ZEB2: variants seen among roughly 807,000 people sequenced by gnomAD.
ZEB2 encodes the protein zinc finger E-box binding homeobox 2, also known as zinc finger E-box-binding homeobox 2.
ZEB2 carries 6 observed loss-of-function variants against 99.9 expected under a neutral mutation model. The ratio of observed to expected loss-of-function variants is 0.06; its 90% CI spans 0.03 to 0.12. ZEB2 has a LOEUF of 0.12. ZEB2 is among the 10% of genes least tolerant of loss of function. The pLI is 1.00. For synonymous variants in ZEB2, 517 were observed against 542.5 expected (o/e 0.95, Z 0.65); for missense variants, 969 against 1,502.8 (o/e 0.64, Z 5.87).
At chr2:144,517,022 C>T (rs2149934803) in intron 2 of ZEB2, among the ~76,000 whole-genome samples, 1 of 149,394 alleles carries the variant, frequency 6.7e-6, no homozygotes, top group South Asian at 2.1e-4. Flanking sequence ...GGGCTGGGGG[C>T]GCGGGGCCCC....
At chr2:144,395,888 TC>T (rs925884470) in intron 9 of ZEB2, among the ~76,000 whole-genome samples, 3 of 152,128 alleles carry the variant, frequency 2.0e-5, no homozygotes, top group Non-Finnish European at 4.4e-5. Flanking sequence ...TTCAAGTAGC[TC>T]ATCTGATCTA....
At chr2:144,400,892 T>G (rs1305759943) in intron 7 of ZEB2, among the ~76,000 whole-genome samples, 1 of 152,242 alleles carries the variant, frequency 6.6e-6, no homozygotes, top group Non-Finnish European at 1.5e-5. Flanking sequence ...CAGTTGAGTT[T>G]CCTCAGGTCA....
At chr2:144,475,984 C>A (rs1216810283) in intron 2 of ZEB2, among the ~76,000 whole-genome samples, 1 of 152,186 alleles carries the variant, frequency 6.6e-6, no homozygotes, top group African/African-American at 2.4e-5. Context: ...GTCCAAGGAT[C>A]TGTAAAAACC....
chr2:144,392,980 A>T (rs1240304830), intron 9 of ZEB2, among the ~76,000 whole-genome samples: 2 of 152,254 alleles, frequency 1.3e-5, no homozygotes, highest in African/African-American at 4.8e-5. Flanking sequence ...ACTTAGACTT[A>T]TCTACTCAAA....
chr2:144,492,397 A>G (rs1704693137), intron 2 of ZEB2, among the ~76,000 whole-genome samples: 1 of 152,196 alleles, frequency 6.6e-6, no homozygotes, highest in Non-Finnish European at 1.5e-5. Flanking sequence ...GACAAAGAAG[A>G]GTGGAGGAAG....
chr2:144,386,222 A>G lies in ZEB2; in HGVS notation c.*3229T>C, dbSNP rs1476224054. 6.6e-6 allele frequency: 1 copy of G among 152,170 alleles called. No homozygotes were observed. Among genetic ancestry groups the G allele is most frequent in the Non-Finnish European group, 1.5e-5 (1 of 68,026 alleles). 9.4% of individuals were successfully genotyped at this position (152,170 alleles called of 1,614,324 possible). A position where few individuals can be genotyped will look rare whatever the true frequency, so the allele number is the denominator to read the frequency against. The stretch of plus-strand genomic sequence containing the variant: ...GAGTAAGTAGTTGATAAAACAGAAG[A>G]ACACATCTGATGTTACTAAAATGCA... On this transcript the variant is annotated 3_prime_UTR_variant, in exon 10 of 10. Transcript: ENST00000627532.
At chr2:144,507,204 A>G (rs1341556486) in intron 2 of ZEB2, among the ~76,000 whole-genome samples, 3 of 152,240 alleles carry the variant, frequency 2.0e-5, no homozygotes, top group Non-Finnish European at 2.9e-5. Context: ...AGTTTATAGT[A>G]AAGTGTTGTG....
intron 2 of ZEB2, among the ~76,000 whole-genome samples, chr2:144,505,924 C>T (rs538256163): frequency 4.4e-4 from 67 of 152,230 alleles, no homozygotes; most frequent in Non-Finnish European, 8.8e-4. Flanking sequence ...GTTTAAAATA[C>T]CATCTTTATT....
At chr2:144,443,862 A>T (rs202096819) in intron 2 of ZEB2, among the ~76,000 whole-genome samples, 12 of 128,928 alleles carry the variant, frequency 9.3e-5, no homozygotes, top group South Asian at 2.8e-4. Context: ...AAATGTATTT[A>T]AAAAAAAAAA....
rs145541753 is a variant in ZEB2, at chr2:144,514,847, A to G, written c.73+2431T>C. Among the ~76,000 whole-genome samples, 551 of 152,338 alleles carry G rather than the reference A, an allele frequency of 3.6e-3. 1 individual carries two copies. Among genetic ancestry groups the G allele is most frequent in the African/African-American group, 0.013 (531 of 41,584 alleles). On this transcript the variant is annotated intron_variant, in intron 2 of 9. Coordinates refer to ENST00000627532, the MANE Select transcript of ZEB2 (RefSeq NM_014795.4). ...TAAATGCCTTAAAATGTGCAATTCA[A>G]CTTTCCACTTCTGAATGTGGAGGCT... is the stretch of plus-strand genomic sequence containing the variant.
chr2:144,387,929 AGCATTATT>A lies in ZEB2; in HGVS notation c.*1514_*1521del, dbSNP rs1366652577. Reference sequence around the variant, plus strand: ...AAAATTATATGAAAAAAACATAATTAGCATTATTATAAGCATAAAGCATGTTACATGTT... The same window carrying A: ...AAAATTATATGAAAAAAACATAATTAATAAGCATAAAGCATGTTACATGTT... On this transcript the variant is annotated 3_prime_UTR_variant, in exon 10 of 10. Coordinates refer to ENST00000627532, the MANE Select transcript of ZEB2 (RefSeq NM_014795.4). The A allele has an allele frequency of 6.6e-6, 1 of 152,652 alleles. No homozygotes were observed. Among genetic ancestry groups the A allele is most frequent in the African/African-American group, 2.4e-5 (1 of 41,478 alleles). The allele number at this position is 152,652 out of a possible 1,614,324, so 9.5% of individuals were successfully genotyped here. A position where few individuals can be genotyped will look rare whatever the true frequency, so the allele number is the denominator to read the frequency against.
Position 144,388,865 on chromosome 2 carries a change from A to G in ZEB2, c.*586T>C. The G allele has an allele frequency of 6.5e-6, 3 of 461,558 alleles. No homozygotes were observed. Among genetic ancestry groups the G allele is most frequent in the South Asian group, 4.8e-5 (3 of 62,878 alleles). The allele number at this position is 461,558 out of a possible 1,614,324, so 28.6% of individuals were successfully genotyped here. ...AGACTTCGGTATCTTAAATTCACAC[A>G]TGCATCACTTCAAGTTCCTTCACAG... On this transcript the variant is annotated 3_prime_UTR_variant, in exon 10 of 10. Coordinates refer to ENST00000627532, the MANE Select transcript of ZEB2 (RefSeq NM_014795.4). This position sits in a 1 kb window ranked among gnomAD's most constrained non-coding sequence, Gnocchi z 5.4.
intron 4 of ZEB2, among the ~76,000 whole-genome samples, chr2:144,409,623 C>T (rs1245579729): frequency 6.6e-6 from 1 of 152,150 alleles, no homozygotes; most frequent in Non-Finnish European, 1.5e-5. Flanking sequence ...CTAAAATTTA[C>T]CCTAATGTCT....
chr2:144,497,978 TATAATATATTAATATTATATATTATATA>T (rs1704799364), intron 2 of ZEB2, among the ~76,000 whole-genome samples: 1 of 1,744 alleles, frequency 5.7e-4, no homozygotes, highest in Non-Finnish European at 1.1e-3. Context: ...TTATATATTA[TATAATATATTAATATTATATATTATATA>T]ATATATTAAT....
At chr2:144,488,620 C>CT (rs951358521) in intron 2 of ZEB2, among the ~76,000 whole-genome samples, 18 of 151,628 alleles carry the variant, frequency 1.2e-4, no homozygotes, top group Non-Finnish European at 2.1e-4. Flanking sequence ...TTAAATAACA[C>CT]TTTAAGTGCT....
intron 4 of ZEB2, among the ~76,000 whole-genome samples, chr2:144,419,431 A>G (rs949011413): frequency 1.3e-5 from 2 of 152,180 alleles, no homozygotes; most frequent in Admixed American, 6.5e-5. Context: ...GCCCTTTATA[A>G]CTAGAGGTAC....
intron 2 of ZEB2, among the ~76,000 whole-genome samples, chr2:144,493,174 G>A (rs1046382581): frequency 6.6e-6 from 1 of 151,590 alleles, no homozygotes; most frequent in African/African-American, 2.4e-5. Flanking sequence ...AAAAAGGAAC[G>A]AATATCTCAG....
At chr2:144,461,384 C>G (rs1188956790) in intron 2 of ZEB2, 1 of 152,276 alleles carries the variant, frequency 6.6e-6, no homozygotes. Context: ...ACCCTTCCTA[C>G]GCTAGCTATT....
At chr2:144,501,103 A>G (rs550208283) in intron 2 of ZEB2, among the ~76,000 whole-genome samples, 1 of 152,208 alleles carries the variant, frequency 6.6e-6, no homozygotes, top group East Asian at 1.9e-4. Context: ...AAGAGCCATC[A>G]TTACCTGTTT....
Sources: gnomAD v4.1 joint callset for allele counts (sites outside exome capture counted in the v4.1 genomes callset) on GRCh38, gnomAD v4.1.1 for gene constraint, Gnocchi (gnomAD v3.1) non-coding constraint, MANE v1.5 for transcripts, NCBI Gene and HGNC (gene_info 2026-07-23, HGNC 2026-07-21) for gene names.